CCDC178: variants seen among roughly 807,000 people sequenced by gnomAD.
CCDC178 encodes the protein coiled-coil domain containing 178.
Under a neutral mutation model 117.4 loss-of-function variants are expected in CCDC178, and 126 were observed. The ratio of observed to expected loss-of-function variants is 1.07; its 90% confidence interval spans 0.93 to 1.24. The LOEUF (loss-of-function observed/expected upper bound fraction) is 1.24. CCDC178 is among the 50% of genes most tolerant of loss of function. The probability of loss-of-function intolerance (pLI) is 0.00; values close to 1 mark genes in which losing one functional copy is unlikely to be tolerated. For synonymous variants in CCDC178, 283 were observed against 313.4 expected (o/e 0.90, Z 1.02); for missense variants, 1,030 against 986.9 (o/e 1.04, Z -0.59).
At chr18:33,307,712 CT>C (rs2062276408) in intron 11 of CCDC178, among the ~76,000 whole-genome samples, 1 of 152,202 alleles carries the variant, frequency 6.6e-6, no homozygotes, top group African/African-American at 2.4e-5. Flanking sequence ...GTCTTTCCCC[CT>C]GCTCTGTGCA....
intron 3 of CCDC178, among the ~76,000 whole-genome samples, chr18:33,411,286 AG>A (rs1206487890): frequency 1.3e-5 from 2 of 152,220 alleles, no homozygotes; most frequent in African/African-American, 4.8e-5. Flanking sequence ...TTTTCTGGAA[AG>A]CATCAGATAG....
chr18:33,041,769 A>G (rs1349577804), intron 21 of CCDC178, among the ~76,000 whole-genome samples: 1 of 151,852 alleles, frequency 6.6e-6, no homozygotes, highest in African/African-American at 2.4e-5. Flanking sequence ...AGAGTTGAAG[A>G]ATTGATTGGA....
intron 15 of CCDC178, among the ~76,000 whole-genome samples, chr18:33,229,206 AG>A (rs1221779889): frequency 2.0e-5 from 3 of 152,322 alleles, no homozygotes; most frequent in African/African-American, 7.2e-5. Flanking sequence ...TCAACTCCAC[AG>A]CAAACCATGA....
intron 5 of CCDC178, among the ~76,000 whole-genome samples, chr18:33,370,693 C>T (rs2063285875): frequency 6.6e-6 from 1 of 151,972 alleles, no homozygotes; most frequent in African/African-American, 2.4e-5. Flanking sequence ...AAAAGCAGGT[C>T]TCCTTCATCC....
At chr18:33,294,511 C>G (rs1372186020) in intron 11 of CCDC178, among the ~76,000 whole-genome samples, 4 of 152,126 alleles carry the variant, frequency 2.6e-5, no homozygotes, top group African/African-American at 9.7e-5. Flanking sequence ...TGAATTGGCC[C>G]AGATTCTTAT....
At chr18:33,417,353 T>C (rs1418429783) in intron 2 of CCDC178, among the ~76,000 whole-genome samples, 1 of 152,176 alleles carries the variant, frequency 6.6e-6, no homozygotes, top group Non-Finnish European at 1.5e-5. Context: ...AGGATACATA[T>C]TGCATGATTC....
At chr18:33,179,079 AT>A (rs759156767) in intron 20 of CCDC178, among the ~76,000 whole-genome samples, 2,680 of 43,676 alleles carry the variant, frequency 0.061, 186 homozygotes, top group Non-Finnish European at 0.069. Flanking sequence ...AAAAAAAAAA[AT>A]ATATATATAT....
intron 22 of CCDC178, among the ~76,000 whole-genome samples, chr18:32,943,725 A>G (rs2054289104): frequency 6.6e-6 from 1 of 152,210 alleles, no homozygotes. Context: ...ACAAAGCACT[A>G]TGGTATGATT....
At chr18:33,210,241 T>C (rs975111641) in intron 20 of CCDC178, among the ~76,000 whole-genome samples, 5 of 151,944 alleles carry the variant, frequency 3.3e-5, no homozygotes, top group Admixed American at 1.3e-4. Context: ...TGGCAGGAGA[T>C]AGGCAGACAA....
intron 20 of CCDC178, among the ~76,000 whole-genome samples, chr18:33,184,178 A>G (rs1209755111): frequency 1.3e-5 from 2 of 152,090 alleles, no homozygotes; most frequent in African/African-American, 4.8e-5. Flanking sequence ...AATGTCAATG[A>G]CTTGTGCACA....
chr18:32,979,822 T>C (rs1384825095), intron 21 of CCDC178, among the ~76,000 whole-genome samples: 2 of 152,186 alleles, frequency 1.3e-5, no homozygotes, highest in Non-Finnish European at 2.9e-5. Flanking sequence ...ATATATAATT[T>C]ATCTTAAAGC....
chr18:33,281,140 A>G (rs2060021438), intron 12 of CCDC178, among the ~76,000 whole-genome samples: 1 of 150,340 alleles, frequency 6.7e-6, no homozygotes, highest in Non-Finnish European at 1.5e-5. Flanking sequence ...CAAAAAATAA[A>G]TAAAATTAAA....
chr18:33,301,661 T>G (rs2062178609), intron 11 of CCDC178, among the ~76,000 whole-genome samples: 1 of 152,254 alleles, frequency 6.6e-6, no homozygotes, highest in Non-Finnish European at 1.5e-5. Context: ...GCTTTAAGAT[T>G]TAGTGACTGC....
At chr18:33,404,080 C>T (rs2063747736) in intron 3 of CCDC178, among the ~76,000 whole-genome samples, 1 of 152,094 alleles carries the variant, frequency 6.6e-6, no homozygotes, top group South Asian at 2.1e-4. Flanking sequence ...TCACTTCAGC[C>T]CCTCTAGACT....
chr18:33,397,936 TAAAC>T (rs1470032089), intron 3 of CCDC178, among the ~76,000 whole-genome samples: 1 of 152,078 alleles, frequency 6.6e-6, no homozygotes, highest in African/African-American at 2.4e-5. Context: ...AAAAAAAGTT[TAAAC>T]AAACAAGAAT....
At chr18:33,169,884 C>T (rs553403538) in intron 20 of CCDC178, among the ~76,000 whole-genome samples, 1 of 152,248 alleles carries the variant, frequency 6.6e-6, no homozygotes, top group African/African-American at 2.4e-5. Flanking sequence ...CTCTACGTAT[C>T]ATTGCACAAA....
chr18:32,954,397 T>A (rs1302583429), intron 22 of CCDC178: 2 of 152,158 alleles, frequency 1.3e-5, no homozygotes, highest in Non-Finnish European at 2.9e-5. Context: ...TAGGTATATA[T>A]CATAAAAATG....
chr18:33,338,479 C>A (rs2062772140), intron 9 of CCDC178, among the ~76,000 whole-genome samples: 1 of 152,048 alleles, frequency 6.6e-6, no homozygotes, highest in Non-Finnish European at 1.5e-5. Flanking sequence ...ACTTGCAATG[C>A]AAAAATATGG....
chr18:33,089,941 G>T (rs1327988673), intron 21 of CCDC178, among the ~76,000 whole-genome samples: 1 of 152,072 alleles, frequency 6.6e-6, no homozygotes, highest in Non-Finnish European at 1.5e-5. Context: ...TCTTAGATTG[G>T]ATTATTTTCT....
Sources: gnomAD v4.1 joint callset for allele counts (sites outside exome capture counted in the v4.1 genomes callset) on GRCh38, gnomAD v4.1.1 for gene constraint, MANE v1.5 for transcripts, NCBI Gene and HGNC (gene_info 2026-07-23, HGNC 2026-07-21) for gene names.